RAB11FIP4: variants seen among roughly 807,000 people sequenced by gnomAD.
The protein encoded by RAB11FIP4 is rab11 family-interacting protein 4.
Under a neutral mutation model 74.3 loss-of-function variants are expected in RAB11FIP4, and 23 were observed. The observed-to-expected ratio is 0.31, with a 90% CI of 0.22 to 0.44. The LOEUF is 0.44. RAB11FIP4 is among the 20% of genes least tolerant of loss of function. RAB11FIP4 has a pLI of 1.00. For synonymous variants in RAB11FIP4, 360 were observed against 359.9 expected (o/e 1.00, Z 0.00); for missense variants, 630 against 863.9 (o/e 0.73, Z 3.39).
At chr17:31,467,587 C>T (rs1418097751) in intron 3 of RAB11FIP4, among the ~76,000 whole-genome samples, 1 of 152,180 alleles carries the variant, frequency 6.6e-6, no homozygotes, top group African/African-American at 2.4e-5. Flanking sequence ...TGATCTCAGC[C>T]TCAGAATGGG....
At chr17:31,510,992 A>G (rs562725782) in intron 3 of RAB11FIP4, among the ~76,000 whole-genome samples, 38 of 152,150 alleles carry the variant, frequency 2.5e-4, no homozygotes, top group African/African-American at 7.0e-4. Flanking sequence ...ACTGCATTCC[A>G]AGGGTTTTTT....
At chr17:31,453,627 C>G (rs961790424) in intron 3 of RAB11FIP4, among the ~76,000 whole-genome samples, 1 of 151,512 alleles carries the variant, frequency 6.6e-6, no homozygotes, top group Non-Finnish European at 1.5e-5. Context: ...GAGTTCGAGA[C>G]CAGCCTGGCC....
chr17:31,528,350 C>G, intron 11 of RAB11FIP4, 56 bp from the exon 12 acceptor site: 1 of 1,579,586 alleles, frequency 6.3e-7, no homozygotes, highest in Non-Finnish European at 8.6e-7. Flanking sequence ...CACCCCTGGA[C>G]ATAGTGAGCC....
At chr17:31,506,467 A>C (rs558926013) in intron 3 of RAB11FIP4, among the ~76,000 whole-genome samples, 1 of 152,326 alleles carries the variant, frequency 6.6e-6, no homozygotes, top group African/African-American at 2.4e-5. Context: ...CTTACTGTGC[A>C]ATAGAACACC....
At chr17:31,483,155 T>G (rs1438768472) in intron 3 of RAB11FIP4, among the ~76,000 whole-genome samples, 4 of 130,816 alleles carry the variant, frequency 3.1e-5, no homozygotes, top group Non-Finnish European at 4.6e-5. Flanking sequence ...ATCATGCCAT[T>G]GCATTCCAGC....
At chr17:31,495,525 C>T (rs552091112) in intron 3 of RAB11FIP4, among the ~76,000 whole-genome samples, 37 of 152,152 alleles carry the variant, frequency 2.4e-4, no homozygotes, top group South Asian at 6.2e-4. Flanking sequence ...CCACCACTCC[C>T]GGCTATTTAT....
chr17:31,392,137 C>A lies in RAB11FIP4; in HGVS notation c.159+126C>A, dbSNP rs1363410235. ...TGGCCTCCCTCCCAATCCCCTCCCT[C>A]CGCCGGAGCCCAGGACCTCGGCCCC... On this transcript the variant is annotated intron_variant, in intron 1 of 14. Coordinates refer to ENST00000621161, the MANE Select transcript of RAB11FIP4 (RefSeq NM_032932.6). 6 of 739,224 alleles carry A rather than the reference C, an allele frequency of 8.1e-6. No homozygotes were observed. In the African/African-American group the frequency reaches 9.3e-5, roughly 11 times the overall value. 45.8% of individuals were successfully genotyped at this position (739,224 alleles called of 1,614,324 possible).
chr17:31,463,802 A>C (rs912472748), intron 3 of RAB11FIP4, among the ~76,000 whole-genome samples: 300 of 14,226 alleles, frequency 0.021, 1 homozygote, highest in African/African-American at 0.043. Context: ...CTGCGCCTGG[A>C]CTTTTTTTTT....
At chr17:31,514,383 G>C (rs1805689618) in intron 3 of RAB11FIP4, among the ~76,000 whole-genome samples, 1 of 152,212 alleles carries the variant, frequency 6.6e-6, no homozygotes, top group Admixed American at 6.5e-5. Flanking sequence ...ATCTGCACTG[G>C]GCCCTCTGCC....
intron 3 of RAB11FIP4, among the ~76,000 whole-genome samples, chr17:31,516,602 T>C (rs2072552851): frequency 6.6e-6 from 1 of 152,242 alleles, no homozygotes; most frequent in Non-Finnish European, 1.5e-5. Context: ...CCCGAGTAGC[T>C]GGGACTACAG....
In RAB11FIP4 at chr17:31,476,172, C is replaced by CTTTTTTTTTT. The variant is rs71369069; in HGVS notation, c.337-41458_337-41449dup. Among the ~76,000 whole-genome samples the CTTTTTTTTTT allele has an allele frequency of 9.3e-4, 59 of 63,570 alleles. 11 individuals carry two copies. Among genetic ancestry groups the CTTTTTTTTTT allele is most frequent in the Non-Finnish European group, 1.2e-3 (43 of 35,850 alleles). 41.7% of individuals were successfully genotyped at this position (63,570 alleles called of 152,430 possible). On this transcript the variant is annotated intron_variant, in intron 3 of 14. Transcript: ENST00000621161. ...CTGCAAATAATGAGAATCGACTGAA[C>CTTTTTTTTTT]TTTTTTTTTTTTTTTTTTTTTTTTT...
At position 31,527,823 on chromosome 17, in the gene RAB11FIP4, GTCTTTCT is replaced by G. The variant is rs1440948237; in HGVS notation, c.1275-18_1275-12del. On this transcript the variant is annotated splice_polypyrimidine_tract_variant and intron_variant, in intron 10 of 14. Coordinates refer to ENST00000621161, the MANE Select transcript of RAB11FIP4 (RefSeq NM_032932.6). The stretch of plus-strand genomic sequence containing the variant: ...TCTACATTCCAGGTTTCTGAGATTT[GTCTTTCT>G]CCTTTCGCCAGGGTGCAGCAGTTGG... 1 of 1,587,378 alleles carries G rather than the reference GTCTTTCT, an allele frequency of 6.3e-7. No individual in the cohort carries two copies. Among genetic ancestry groups the G allele is most frequent in the South Asian group, 1.1e-5 (1 of 86,960 alleles).
chr17:31,439,347 C>T (rs1333693063), intron 3 of RAB11FIP4, among the ~76,000 whole-genome samples: 1 of 152,228 alleles, frequency 6.6e-6, no homozygotes, highest in African/African-American at 2.4e-5. Context: ...ATGAGATTGC[C>T]CCTTTCCCCA....
At chr17:31,452,932 G>T (rs1330325144) in intron 3 of RAB11FIP4, among the ~76,000 whole-genome samples, 1 of 152,310 alleles carries the variant, frequency 6.6e-6, no homozygotes, top group Non-Finnish European at 1.5e-5. Context: ...CATTGCCCTA[G>T]TGTGGGATGG....
chr17:31,471,568 G>T (rs8073350), intron 3 of RAB11FIP4, among the ~76,000 whole-genome samples: 2,104 of 152,280 alleles, frequency 0.014, 50 homozygotes, highest in African/African-American at 0.048. Context: ...TGTCAAGCAG[G>T]TCACCCAGCT....
intron 3 of RAB11FIP4, among the ~76,000 whole-genome samples, chr17:31,516,308 T>C (rs1192669335): frequency 1.3e-5 from 2 of 151,546 alleles, no homozygotes; most frequent in African/African-American, 4.9e-5. Flanking sequence ...ACTGTGCCCT[T>C]ACACCGTGCA....
intron 1 of RAB11FIP4, among the ~76,000 whole-genome samples, chr17:31,417,481 A>G (rs7503263): frequency 0.56 from 85,704 of 152,108 alleles, 27,731 homozygotes; most frequent in Non-Finnish European, 0.71. Flanking sequence ...CTAAAACAGC[A>G]TAAAAATGCT....
Position 31,411,885 on chromosome 17 carries a change from C to T in RAB11FIP4, c.159+19874C>T, listed in dbSNP as rs1008077783. Among the ~76,000 whole-genome samples the T allele has an allele frequency of 9.2e-5, 14 of 152,226 alleles. 1 individual carries two copies. Among genetic ancestry groups the T allele is most frequent in the South Asian group, 4.1e-4 (2 of 4,834 alleles). Reference sequence around the variant, plus strand: ...AGGTGCAGTTGCAGCAGAGAGGAAGCGAGGGCTAGAAAGCCTGAGACATAG... The same window carrying T: ...AGGTGCAGTTGCAGCAGAGAGGAAGTGAGGGCTAGAAAGCCTGAGACATAG... On this transcript the variant is annotated intron_variant, in intron 1 of 14. Transcript: ENST00000621161.
intron 3 of RAB11FIP4, among the ~76,000 whole-genome samples, chr17:31,496,951 G>T (rs891893559): frequency 6.6e-6 from 1 of 152,180 alleles, no homozygotes; most frequent in Admixed American, 6.5e-5. Flanking sequence ...GACCTTTCAC[G>T]AATTACTTAA....
Sources: gnomAD v4.1 joint callset for allele counts (sites outside exome capture counted in the v4.1 genomes callset) on GRCh38, gnomAD v4.1.1 for gene constraint, MANE v1.5 for transcripts, NCBI Gene and HGNC (gene_info 2026-07-23, HGNC 2026-07-21) for gene names.